DYNC2H1: variants seen among roughly 807,000 people sequenced by gnomAD.
The protein encoded by DYNC2H1 is dynein cytoplasmic 2 heavy chain 1, also known as cytoplasmic dynein 2 heavy chain 1.
A neutral mutation model predicts 570.0 loss-of-function variants in DYNC2H1; 410 were observed. The ratio of observed to expected loss-of-function variants is 0.72; its 90% confidence interval spans 0.66 to 0.78. The LOEUF is 0.78. Among genes scored for constraint, DYNC2H1 ranks in the 30% least tolerant of loss-of-function variants. The pLI is 0.00. For synonymous variants in DYNC2H1, 1,688 were observed against 1,677.6 expected (o/e 1.01, Z -0.15); for missense variants, 4,865 against 5,046.4 (o/e 0.96, Z 1.09).
intron 82 of DYNC2H1, among the ~76,000 whole-genome samples, chr11:103,342,751 G>T (rs767829678): frequency 2.0e-5 from 3 of 151,692 alleles, no homozygotes; most frequent in Admixed American, 1.3e-4. Flanking sequence ...TGATCCACCC[G>T]CCTTGGCCTC....
chr11:103,227,108 G>A (rs619408), intron 59 of DYNC2H1, among the ~76,000 whole-genome samples: 141,870 of 152,184 alleles, frequency 0.93, 66,157 homozygotes, highest in African/African-American at 0.94. Context: ...CAAATGGTCT[G>A]TCAATTTTAT....
chr11:103,137,950 G>A (rs1228882521), intron 17 of DYNC2H1, among the ~76,000 whole-genome samples: 2 of 150,632 alleles, frequency 1.3e-5, no homozygotes, highest in South Asian at 2.1e-4. Flanking sequence ...CACGTCCCTT[G>A]TAAGTTGGAT....
At chr11:103,328,021 G>T (rs1938583998) in intron 82 of DYNC2H1, among the ~76,000 whole-genome samples, 1 of 152,142 alleles carries the variant, frequency 6.6e-6, no homozygotes, top group Admixed American at 6.5e-5. Flanking sequence ...TGTTTACCCA[G>T]ATTGTCCTGA....
intron 73 of DYNC2H1, among the ~76,000 whole-genome samples, chr11:103,284,972 T>C (rs1866288389): frequency 6.6e-6 from 1 of 152,184 alleles, no homozygotes; most frequent in Admixed American, 6.5e-5. Flanking sequence ...GATGATATTG[T>C]TTAAAGTGAA....
At chr11:103,114,048 AT>A in intron 2 of DYNC2H1, 54 bp from the exon 3 acceptor site, 1 of 1,580,468 alleles carries the variant, frequency 6.3e-7, no homozygotes, top group Non-Finnish European at 8.6e-7. Flanking sequence ...TGGGAAGCCA[AT>A]TTGATTAGCA....
At chr11:103,152,911 A>G (rs1860636046) in intron 21 of DYNC2H1, among the ~76,000 whole-genome samples, 1 of 152,188 alleles carries the variant, frequency 6.6e-6, no homozygotes, top group South Asian at 2.1e-4. Flanking sequence ...CTTAGGGCCC[A>G]GTCCTTAGCT....
Position 103,205,216 on chromosome 11 carries a change from A to G in DYNC2H1, c.8454+252A>G, listed in dbSNP as rs988033051. 6.6e-6 allele frequency among the ~76,000 whole-genome samples: 1 copy of G among 152,178 alleles called. No individual in the cohort carries two copies. The highest frequency in any genetic ancestry group is 2.4e-5 in the African/African-American group (1 of 41,452). ...TATACTTTAAAATTTTATGGCTTTA[A>G]TTAACTAGCCTATTACAGGCTGTCC... On this transcript the variant is annotated intron_variant, in intron 52 of 88. Coordinates refer to ENST00000375735, the MANE Select transcript of DYNC2H1 (RefSeq NM_001377.3). This position sits in a 1 kb window ranked among gnomAD's most constrained non-coding sequence, Gnocchi z 4.5.
chr11:103,224,115 A>G (rs1863706494), intron 59 of DYNC2H1, among the ~76,000 whole-genome samples: 1 of 152,170 alleles, frequency 6.6e-6, no homozygotes, highest in South Asian at 2.1e-4. Flanking sequence ...GTATTTTCCA[A>G]AACAGTGTGT....
chr11:103,459,311 A>C (rs1944918402), intron 87 of DYNC2H1, among the ~76,000 whole-genome samples: 2 of 90,214 alleles, frequency 2.2e-5, no homozygotes, highest in East Asian at 3.8e-4. Context: ...TCCGTCTCAA[A>C]AAAAAAAAAA....
chr11:103,205,317 C>T lies in DYNC2H1; in HGVS notation c.8454+353C>T, dbSNP rs1457342855. ...ATCCTTAAAAAATATCATCACTATG[C>T]TGTGTGTTTGGAGGGGGATGAGTTA... On this transcript the variant is annotated intron_variant, in intron 52 of 88. Transcript: ENST00000375735. The surrounding 1 kb of genome is among the most constrained non-coding windows in gnomAD (Gnocchi z 4.5). Among the ~76,000 whole-genome samples, 2 of 152,108 alleles carry T rather than the reference C, an allele frequency of 1.3e-5. No homozygotes were observed. The highest frequency in any genetic ancestry group is 4.8e-5 in the African/African-American group (2 of 41,424).
At chr11:103,167,009 TTTG>T (rs1861340540) in intron 31 of DYNC2H1, among the ~76,000 whole-genome samples, 1 of 148,752 alleles carries the variant, frequency 6.7e-6, no homozygotes, top group African/African-American at 2.5e-5. Context: ...TTTTTTTTTT[TTTG>T]ATTTTTCCTC....
intron 84 of DYNC2H1, chr11:103,405,049 G>A (rs1258238897): frequency 6.9e-6 from 1 of 144,196 alleles, no homozygotes; most frequent in African/African-American, 2.5e-5. Context: ...ATACCCAAAT[G>A]GTTCCTTTTT....
Position 103,244,689 on chromosome 11 carries a change from G to A in DYNC2H1, c.9919-562G>A, listed in dbSNP as rs1000440770. ...TAAGTACTATATATCTATGGTTATA[G>A]TTATATACATATATCACTATACTAT... On this transcript the variant is annotated intron_variant, in intron 64 of 88. Transcript: ENST00000375735. The surrounding 1 kb of genome is among the most constrained non-coding windows in gnomAD (Gnocchi z 4.3). 6.8e-6 allele frequency among the ~76,000 whole-genome samples: 1 copy of A among 147,394 alleles called. No homozygotes were observed. Among genetic ancestry groups the A allele is most frequent in the African/African-American group, 2.5e-5 (1 of 40,538 alleles).
intron 70 of DYNC2H1, among the ~76,000 whole-genome samples, chr11:103,263,347 C>A (rs1326238819): frequency 6.6e-6 from 1 of 152,054 alleles, no homozygotes; most frequent in African/African-American, 2.4e-5. Context: ...CAGCTCTGGA[C>A]CAAGCGGACC....
intron 83 of DYNC2H1, among the ~76,000 whole-genome samples, chr11:103,391,761 G>T (rs529552009): frequency 6.6e-6 from 1 of 152,178 alleles, no homozygotes; most frequent in African/African-American, 2.4e-5. Context: ...CTGGAGGTCC[G>T]CTCCAGACCC....
intron 50 of DYNC2H1, among the ~76,000 whole-genome samples, chr11:103,202,575 CAT>C (rs894667184): frequency 1.3e-5 from 2 of 150,728 alleles, no homozygotes; most frequent in Admixed American, 6.6e-5. Flanking sequence ...TGAAGAAAAA[CAT>C]ATACAGATTT....
Position 103,116,728 on chromosome 11 carries a change from A to C in DYNC2H1, c.766+14A>C. On this transcript the variant is annotated intron_variant, in intron 5 of 88. Coordinates refer to ENST00000375735, the MANE Select transcript of DYNC2H1 (RefSeq NM_001377.3). ...TAGACATCATAGGTACTAGTAAAAA[A>C]ATGAACTTTTGGAATTTTGAAAACC... 2 of 1,571,140 alleles carry C rather than the reference A, an allele frequency of 1.3e-6. No individual in the cohort carries two copies. Among genetic ancestry groups the C allele is most frequent in the Non-Finnish European group, 1.7e-6 (2 of 1,161,526 alleles).
chr11:103,179,675 A>G (rs1861771028), intron 39 of DYNC2H1, among the ~76,000 whole-genome samples: 1 of 151,790 alleles, frequency 6.6e-6, no homozygotes, highest in Non-Finnish European at 1.5e-5. Flanking sequence ...ATTCAGGTTT[A>G]TTAGGTCCAA....
intron 75 of DYNC2H1, among the ~76,000 whole-genome samples, chr11:103,296,802 C>G (rs565528646): frequency 1.3e-5 from 2 of 151,742 alleles, no homozygotes; most frequent in Non-Finnish European, 2.9e-5. Flanking sequence ...CTCCCTTGGT[C>G]TGAGACCCTT....
Sources: gnomAD v4.1 joint callset for allele counts (sites outside exome capture counted in the v4.1 genomes callset) on GRCh38, gnomAD v4.1.1 for gene constraint, Gnocchi (gnomAD v3.1) non-coding constraint, MANE v1.5 for transcripts, NCBI Gene and HGNC (gene_info 2026-07-23, HGNC 2026-07-21) for gene names.